TNRC18: variants seen among roughly 807,000 people sequenced by gnomAD.
TNRC18 encodes the protein trinucleotide repeat containing 18, also known as trinucleotide repeat-containing gene 18 protein.
TNRC18 carries 69 observed loss-of-function variants against 226.7 expected under a neutral mutation model. That is an observed-to-expected ratio of 0.30 (90% CI 0.25 to 0.37). The LOEUF (loss-of-function observed/expected upper bound fraction) is 0.37, where lower values mean the gene tolerates loss of function less well. Among genes scored for constraint, TNRC18 ranks in the 10% least tolerant of loss-of-function variants. The probability of loss-of-function intolerance (pLI) is 1.00; values close to 1 mark genes in which losing one functional copy is unlikely to be tolerated. For synonymous variants in TNRC18, 2,449 were observed against 1,927.6 expected, an observed-to-expected ratio of 1.27 and a Z score of -7.09; for missense variants, 4,754 against 4,256.6, an observed-to-expected ratio of 1.12 and a Z score of -3.25.
chr7:5,358,965 C>T (rs1301348784), intron 15 of TNRC18, among the ~76,000 whole-genome samples: 1 of 152,218 alleles, frequency 6.6e-6, no homozygotes, highest in Non-Finnish European at 1.5e-5. Context: ...GCTCTCAGCC[C>T]ATTACCCCTG....
chr7:5,341,663 C>G (rs1162231176), intron 18 of TNRC18, among the ~76,000 whole-genome samples: 1 of 149,950 alleles, frequency 6.7e-6, no homozygotes, highest in Non-Finnish European at 1.5e-5. Context: ...ACTCGGGAGG[C>G]TGAGGCAGAA....
rs111446165 is a variant in TNRC18 at position 5,326,649 on chromosome 7, A to C, written c.6148-1401T>G. Among the ~76,000 whole-genome samples the C allele has an allele frequency of 7.5e-3, 1,143 of 152,262 alleles. 15 individuals carry two copies. Among genetic ancestry groups the C allele is most frequent in the African/African-American group, 0.026 (1,063 of 41,542 alleles). ...TTTCTAAAAGGGACACGTCTAAAAC[A>C]AATGGCCATTAGCTGGGCATGGTGG... On this transcript the variant is annotated intron_variant, in intron 19 of 29. Coordinates refer to ENST00000430969, the MANE Select transcript of TNRC18 (RefSeq NM_001080495.3).
intron 17 of TNRC18, among the ~76,000 whole-genome samples, chr7:5,351,124 A>G (rs1303726053): frequency 1.3e-5 from 2 of 151,240 alleles, no homozygotes; most frequent in African/African-American, 4.9e-5. Context: ...AATCGCTACC[A>G]GGGATATTTG....
chr7:5,345,516 C>CAGGGG, intron 18 of TNRC18, 46 bp downstream of exon 18: 1 of 354,368 alleles, frequency 2.8e-6, no homozygotes, highest in Non-Finnish European at 5.2e-6. Flanking sequence ...CAATGGCGTC[C>CAGGGG]GCCCCTCCCA....
chr7:5,407,874 C>A (rs1279179758), intron 2 of TNRC18, among the ~76,000 whole-genome samples: 1 of 152,120 alleles, frequency 6.6e-6, no homozygotes, highest in Admixed American at 6.5e-5. Context: ...AGGAACTGCT[C>A]CAGAAAAAGC....
At chr7:5,336,279 A>G (rs1790113695) in intron 18 of TNRC18, among the ~76,000 whole-genome samples, 1 of 152,156 alleles carries the variant, frequency 6.6e-6, no homozygotes, top group East Asian at 1.9e-4. Context: ...GAGAAAAAAG[A>G]AAACCAACTA....
rs183184881 is a variant in TNRC18 at position 5,324,776 on chromosome 7, C to T, written c.6300+320G>A. 5.9e-5 allele frequency among the ~76,000 whole-genome samples: 9 copies of T among 152,284 alleles called. No individual in the cohort carries two copies. Among genetic ancestry groups the T allele is most frequent in the African/African-American group, 1.9e-4 (8 of 41,568 alleles). The stretch of plus-strand genomic sequence containing the variant: ...AGTGGACATGCCATCATCTGCCACT[C>T]GGGCAGATTCACCCAAGCCTGAGGG... On this transcript the variant is annotated intron_variant, in intron 20 of 29. Transcript: ENST00000430969. The surrounding 1 kb of genome is among the most constrained non-coding windows in gnomAD (Gnocchi z 4.8).
At chr7:5,367,680 G>A (rs960279128) in intron 11 of TNRC18, among the ~76,000 whole-genome samples, 7 of 151,690 alleles carry the variant, frequency 4.6e-5, no homozygotes, top group East Asian at 2.0e-4. Flanking sequence ...TGCCCGCCTC[G>A]GCCTCCCAAA....
Position 5,315,167 on chromosome 7 carries a change from A to G in TNRC18, c.6863-19T>C. On this transcript the variant is annotated intron_variant, in intron 25 of 29. Transcript: ENST00000430969. ...TCAGCACCTGTGGGGCAGAGGACAG[A>G]GTGGCTCATCAGGCCTGGGGTCCCC... is the stretch of plus-strand genomic sequence containing the variant. 6.2e-7 allele frequency: 1 copy of G among 1,607,864 alleles called. No individual in the cohort carries two copies. The highest frequency in any genetic ancestry group is 8.5e-7 in the Non-Finnish European group (1 of 1,177,678).
chr7:5,404,130 T>G (rs1056487103), intron 2 of TNRC18, among the ~76,000 whole-genome samples: 1 of 152,170 alleles, frequency 6.6e-6, no homozygotes, highest in African/African-American at 2.4e-5. Context: ...CCCAGCACTT[T>G]GGGAGGCCAA....
Position 5,316,025 on chromosome 7 carries a change from C to G in TNRC18, c.6793G>C (p.Asp2265His). 2 of 1,606,982 alleles carry G rather than the reference C, an allele frequency of 1.2e-6. No homozygotes were observed. The highest frequency in any genetic ancestry group is 1.7e-6 in the Non-Finnish European group (2 of 1,176,762). The change falls in exon 25 of 30, where the codon GAC (aspartate) becomes CAC (histidine). Residue 2265 changes from aspartate to histidine, a missense_variant. Transcript: ENST00000430969. ...GGGATCCTGCCCGTGTCTCCGTCGTCAAACTCCACGGTGATCAAGTCCCCA... is the reference window on the plus strand; with the variant it reads ...GGGATCCTGCCCGTGTCTCCGTCGTGAAACTCCACGGTGATCAAGTCCCCA... ...DDGDLITVEF[D>H]DGDTGRIPLS...
At chr7:5,412,569 C>G (rs1160150667) in intron 2 of TNRC18, among the ~76,000 whole-genome samples, 1 of 151,590 alleles carries the variant, frequency 6.6e-6, no homozygotes, top group Non-Finnish European at 1.5e-5. Flanking sequence ...GAGCGAGACA[C>G]TGTCTCAAAA....
intron 21 of TNRC18, 138 bp from the exon 22 acceptor site, chr7:5,321,328 A>G: frequency 1.6e-6 from 1 of 611,010 alleles, no homozygotes; most frequent in Non-Finnish European, 2.9e-6. Context: ...AGACGTGTGC[A>G]CTTCTTCGTC....
In TNRC18 at chr7:5,421,056, T is replaced by C; in HGVS notation, c.187+4A>G. On this transcript the variant is annotated splice_donor_region_variant and intron_variant, in intron 2 of 29. Coordinates refer to ENST00000430969, the MANE Select transcript of TNRC18 (RefSeq NM_001080495.3). ...AGGGGACGGGCACGGCGCGGGGCACTTACCCGGGTGCGGATGGAGATTCAG... is the reference window on the plus strand; with the variant it reads ...AGGGGACGGGCACGGCGCGGGGCACCTACCCGGGTGCGGATGGAGATTCAG... 6.6e-7 allele frequency: 1 copy of C among 1,520,882 alleles called. No homozygotes were observed. The highest frequency in any genetic ancestry group is 8.9e-7 in the Non-Finnish European group (1 of 1,124,500). 94.2% of individuals were successfully genotyped at this position (1,520,882 alleles called of 1,614,324 possible).
chr7:5,334,881 A>T (rs1789928334), intron 18 of TNRC18, among the ~76,000 whole-genome samples: 1 of 152,134 alleles, frequency 6.6e-6, no homozygotes. Flanking sequence ...CTACCCTGGC[A>T]CTAGACACGG....
intron 2 of TNRC18, chr7:5,407,248 C>T (rs979781128): frequency 2.0e-5 from 3 of 152,386 alleles, no homozygotes; most frequent in Non-Finnish European, 2.9e-5. Flanking sequence ...GGTGAGAGTC[C>T]GAGGCTGCAG....
chr7:5,363,982 G>A (rs571087942), intron 11 of TNRC18, among the ~76,000 whole-genome samples: 6 of 152,054 alleles, frequency 3.9e-5, no homozygotes, highest in Non-Finnish European at 7.4e-5. Context: ...AAATGCACAC[G>A]ACATCCACGG....
chr7:5,364,361 G>C (rs1473060617), intron 11 of TNRC18, among the ~76,000 whole-genome samples: 1 of 152,000 alleles, frequency 6.6e-6, no homozygotes, highest in Non-Finnish European at 1.5e-5. Flanking sequence ...GGGAGGCTGA[G>C]GCAAGAAGAT....
intron 17 of TNRC18, among the ~76,000 whole-genome samples, chr7:5,347,163 C>A (rs1027453208): frequency 1.3e-5 from 2 of 150,074 alleles, no homozygotes; most frequent in African/African-American, 4.9e-5. Context: ...GGCGACAGAG[C>A]AAACCTTGTC....
Sources: gnomAD v4.1 joint callset for allele counts (sites outside exome capture counted in the v4.1 genomes callset) on GRCh38, gnomAD v4.1.1 for gene constraint, Gnocchi (gnomAD v3.1) non-coding constraint, MANE v1.5 for transcripts, NCBI Gene and HGNC (gene_info 2026-07-23, HGNC 2026-07-21) for gene names.